ZIC3: variants seen among roughly 807,000 people sequenced by gnomAD.
ZIC3 encodes the protein Zic family zinc finger 3.
ZIC3 carries 6 observed loss-of-function variants against 18.3 expected under a neutral mutation model. That is an observed-to-expected ratio of 0.33 (90% CI 0.18 to 0.65). The LOEUF is 0.65. Among genes scored for constraint, ZIC3 ranks in the 30% least tolerant of loss-of-function variants. The pLI is 0.75. For missense variants in ZIC3, 260 were observed against 410.0 expected (o/e 0.63, Z 3.16); for synonymous variants, 175 against 177.0 (o/e 0.99, Z 0.09).
downstream of ZIC3, among the ~76,000 whole-genome samples, chrX:137,576,911 G>A (rs755183168): frequency 8.9e-6 from 1 of 112,014 alleles, no homozygotes; most frequent in African/African-American, 3.2e-5. Context: ...CTCTAATAGG[G>A]TGTGTGTCTT....
downstream of ZIC3, among the ~76,000 whole-genome samples, chrX:137,574,419 G>C (rs919909524): frequency 2.6e-5 from 3 of 113,374 alleles, no homozygotes; most frequent in African/African-American, 9.6e-5. Context: ...TTTTTAGCGC[G>C]CACGTGTGAG....
At chrX:137,569,688 G>C (rs1480466557) in intron 2 of ZIC3, among the ~76,000 whole-genome samples, 1 of 112,140 alleles carries the variant, frequency 8.9e-6, no homozygotes, top group Non-Finnish European at 1.9e-5. Flanking sequence ...CGTAACACCA[G>C]TCTTAGGAGC....
downstream of ZIC3, among the ~76,000 whole-genome samples, chrX:137,574,346 CG>C (rs1259503489): frequency 8.8e-6 from 1 of 113,491 alleles, no homozygotes; most frequent in East Asian, 2.8e-4. Context: ...TCGGCCCGCG[CG>C]GGTGCCCAGG....
rs1419461678 is a variant in ZIC3, at chrX:137,571,821, T to TG, written c.*1757dup. Among the ~76,000 whole-genome samples, 1 of 112,010 alleles carries TG rather than the reference T, an allele frequency of 8.9e-6. No individual in the cohort carries two copies. The highest frequency in any genetic ancestry group is 1.9e-5 in the Non-Finnish European group (1 of 53,178). On this transcript the variant is annotated 3_prime_UTR_variant, in exon 3 of 3. Transcript: ENST00000287538. ...ATGGAAAAGAAATTGATTGCTATTT[T>TG]GGGGGGCTGGAGTGGGTAGAGTATT...
chrX:137,567,080 C>T lies in ZIC3; in HGVS notation c.389C>T (p.Ala130Val), dbSNP rs1252941005. Residue 130 changes from alanine to valine, a missense_variant, in exon 1 of 3, where the codon GCG becomes GTG. Coordinates refer to ENST00000287538, the MANE Select transcript of ZIC3 (RefSeq NM_003413.4). ...FRQRSSGLSEAASGGGQHGLF... is the reference protein window; with the variant it reads ...FRQRSSGLSEVASGGGQHGLF... ...CAGCGCAGCTCCGGGCTCAGTGAGG[C>T]GGCCTCGGGTGGCGGGCAGCACGGG... The T allele has an allele frequency of 8.4e-7, 1 of 1,191,446 alleles. No homozygotes were observed. The highest frequency in any genetic ancestry group is 2.3e-4 in the Middle Eastern group (1 of 4,312).
rs529515809 is a variant in ZIC3 at position 137,566,264 on chromosome X, C to A, written c.-428C>A. 1 of 174,269 alleles carries A rather than the reference C, an allele frequency of 5.7e-6. No homozygotes were observed. Among genetic ancestry groups the A allele is most frequent in the South Asian group, 1.6e-4 (1 of 6,381 alleles). 14.4% of individuals were successfully genotyped at this position (174,269 alleles called of 1,213,427 possible). ...GCCGGCTCCGCCACTTGGCGCAGCC[C>A]AGCCCGGAGGCCGGTACCCAGGGAG... On this transcript the variant is annotated 5_prime_UTR_variant, in exon 1 of 3. Transcript: ENST00000287538.
chrX:137,568,493 C>G (rs1931389006), intron 1 of ZIC3, among the ~76,000 whole-genome samples: 1 of 111,923 alleles, frequency 8.9e-6, no homozygotes, highest in Admixed American at 9.4e-5. Flanking sequence ...AGAGGCTGAA[C>G]GGGATTGTCC....
exon 3 of ZIC3, chrX:137,577,231 G>C: frequency 3.8e-6 from 2 of 521,678 alleles, no homozygotes; most frequent in Non-Finnish European, 7.0e-6. Flanking sequence ...CCTAAATGCA[G>C]GGTTAATGCC....
At chrX:137,568,279 G>A (rs1484771404) in intron 1 of ZIC3, among the ~76,000 whole-genome samples, 1 of 111,889 alleles carries the variant, frequency 8.9e-6, no homozygotes, top group Non-Finnish European at 1.9e-5. Flanking sequence ...GAAAGCTAAA[G>A]CAGTTTCGTG....
In ZIC3 at chrX:137,566,505, C is replaced by A; in HGVS notation, c.-187C>A. ...TCCCTGCTCTTTCTTCCCCTCCTCC[C>A]TCCTATCCCTCTGCAGGAGACTCTT... On this transcript the variant is annotated 5_prime_UTR_variant, in exon 1 of 3. Transcript: ENST00000287538. 1.5e-6 allele frequency: 1 copy of A among 657,369 alleles called. No homozygotes were observed. Among genetic ancestry groups the A allele is most frequent in the Non-Finnish European group, 2.2e-6 (1 of 447,147 alleles). The allele number at this position is 657,369 out of a possible 1,213,427, so 54.2% of individuals were successfully genotyped here.
In ZIC3 at chrX:137,567,340, C is replaced by G. The variant is rs104894963; in HGVS notation, c.649C>G (p.Pro217Ala). Residue 217 changes from proline (P) to alanine (A), a missense_variant, in exon 1 of 3, where the codon CCT (proline) becomes GCT (alanine). Physicochemically the swap from Pro to Ala is conservative, Grantham distance 27. This residue lies in a region of ZIC3 where 183 missense variants were observed against 223.8 expected (regional missense o/e 0.82). Coordinates refer to ENST00000287538, the MANE Select transcript of ZIC3 (RefSeq NM_003413.4). Reference sequence around the variant, plus strand: ...CCCCTACGCGGCCGGCGCTCAGTTTCCTAACTACAGCCCCATGAACATGAA... The same window carrying G: ...CCCCTACGCGGCCGGCGCTCAGTTTGCTAACTACAGCCCCATGAACATGAA... The part of the protein sequence containing the change: ...TDPYAAGAQF[P>A]NYSPMNMNMG... The G allele has an allele frequency of 1.1e-3, 1,287 of 1,210,097 alleles. 14 individuals carry two copies. In the African/African-American group the frequency reaches 0.02, roughly 19 times the overall value.
intron 1 of ZIC3, among the ~76,000 whole-genome samples, chrX:137,568,346 C>T (rs905818872): frequency 2.6e-4 from 26 of 100,757 alleles, no homozygotes; most frequent in Non-Finnish European, 4.6e-4. Flanking sequence ...ATCGATCTAT[C>T]TATCTATCTA....
chrX:137,569,182 T>G, intron 2 of ZIC3, 117 bp downstream of exon 2: 1 of 700,461 alleles, frequency 1.4e-6, no homozygotes, highest in Non-Finnish European at 2.0e-6. Context: ...TCCGATTTGC[T>G]CCAGCAGTGA....
intron 2 of ZIC3, 82 bp from the exon 3 acceptor site, chrX:137,569,809 G>T: frequency 1.0e-6 from 1 of 998,426 alleles, no homozygotes; most frequent in Admixed American, 2.4e-5. Flanking sequence ...TGTTGTTACA[G>T]TGCTCGAATT....
chrX:137,568,339 GATCT>G (rs55777198), intron 1 of ZIC3, among the ~76,000 whole-genome samples: 14,269 of 79,608 alleles, frequency 0.18, 823 homozygotes, highest in Middle Eastern at 0.21. Flanking sequence ...TGGATCGATC[GATCT>G]ATCTATCTAT....
downstream of ZIC3, among the ~76,000 whole-genome samples, chrX:137,574,296 G>T (rs1381438854): frequency 8.8e-6 from 1 of 113,536 alleles, no homozygotes; most frequent in Non-Finnish European, 1.9e-5. Flanking sequence ...TTTTCGCAGC[G>T]CCTGGGATAG....
Position 137,566,455 on chromosome X carries a change from T to TCCTCCTCCCC in ZIC3, c.-234_-225dup, listed in dbSNP as rs1931339521. ...GTCTTTTCTCCTCCCTTCTCCTCCCTCCTCCTCCCCCCGCCAACACCCCCT... is the reference window on the plus strand; with the variant it reads ...GTCTTTTCTCCTCCCTTCTCCTCCCTCCTCCTCCCCCCTCCTCCCCCCGCCAACACCCCCT... On this transcript the variant is annotated 5_prime_UTR_variant, in exon 1 of 3. Transcript: ENST00000287538. 1 of 243,357 alleles carries TCCTCCTCCCC rather than the reference T, an allele frequency of 4.1e-6. No homozygotes were observed. The highest frequency in any genetic ancestry group is 7.6e-6 in the Non-Finnish European group (1 of 132,200). The allele number at this position is 243,357 out of a possible 1,213,427, so 20.1% of individuals were successfully genotyped here. A position where few individuals can be genotyped will look rare whatever the true frequency, so the allele number is the denominator to read the frequency against.
At position 137,566,455 on chromosome X, in the gene ZIC3, T is replaced by TC; in HGVS notation, c.-235dup. The TC allele has an allele frequency of 4.1e-6, 1 of 245,704 alleles. No homozygotes were observed. Among genetic ancestry groups the TC allele is most frequent in the Non-Finnish European group, 7.5e-6 (1 of 132,842 alleles). The allele number at this position is 245,704 out of a possible 1,213,427, so 20.2% of individuals were successfully genotyped here. A position where few individuals can be genotyped will look rare whatever the true frequency, so the allele number is the denominator to read the frequency against. ...GTCTTTTCTCCTCCCTTCTCCTCCCTCCTCCTCCCCCCGCCAACACCCCCT... is the reference window on the plus strand; with the variant it reads ...GTCTTTTCTCCTCCCTTCTCCTCCCTCCCTCCTCCCCCCGCCAACACCCCCT... On this transcript the variant is annotated 5_prime_UTR_variant, in exon 1 of 3. Coordinates refer to ENST00000287538, the MANE Select transcript of ZIC3 (RefSeq NM_003413.4).
chrX:137,569,543 G>T (rs980106523), intron 2 of ZIC3, among the ~76,000 whole-genome samples: 14 of 112,758 alleles, frequency 1.2e-4, no homozygotes, highest in African/African-American at 4.5e-4. Context: ...TTCTCAAGCC[G>T]AAACGGGCTT....
Sources: gnomAD v4.1 joint callset for allele counts (sites outside exome capture counted in the v4.1 genomes callset) on GRCh38, gnomAD v4.1.1 for gene constraint, gnomAD v4.1.1 regional missense constraint, MANE v1.5 for transcripts, NCBI Gene and HGNC (gene_info 2026-07-23, HGNC 2026-07-21) for gene names.